Variants in ZDHHC13 observed in about 807,000 individuals in gnomAD.
The protein encoded by ZDHHC13 is zDHHC palmitoyltransferase 13.
Under a neutral mutation model 86.0 loss-of-function variants are expected in ZDHHC13, and 85 were observed. The ratio of observed to expected loss-of-function variants is 0.99; its 90% CI spans 0.83 to 1.18. ZDHHC13 has a LOEUF of 1.18. Among genes scored for constraint, ZDHHC13 ranks in the 50% most tolerant of loss-of-function variants. ZDHHC13 has a pLI of 0.00. For synonymous variants in ZDHHC13, 263 were observed against 246.4 expected, an observed-to-expected ratio of 1.07 and a Z score of -0.63; for missense variants, 711 against 730.2, an observed-to-expected ratio of 0.97 and a Z score of 0.30.
chr11:19,170,063 A>G (rs1850177259), intron 14 of ZDHHC13: 7 of 1,065,616 alleles, frequency 6.6e-6, no homozygotes, highest in Non-Finnish European at 6.8e-6. Flanking sequence ...CATAGTTGCT[A>G]TAAACATGAA....
chr11:19,156,083 C>A (rs1849750287), intron 9 of ZDHHC13, among the ~76,000 whole-genome samples, 154 bp downstream of exon 9: 1 of 152,136 alleles, frequency 6.6e-6, no homozygotes, highest in Admixed American at 6.5e-5. Flanking sequence ...GGAAAGGGCT[C>A]TGGTAGCATA....
At chr11:19,164,520 A>G (rs1326775654) in intron 12 of ZDHHC13, 157 bp downstream of exon 12, 1 of 667,830 alleles carries the variant, frequency 1.5e-6, no homozygotes, top group East Asian at 2.7e-5. Flanking sequence ...TCTGTCTTGA[A>G]CATATGGCAG....
intron 16 of ZDHHC13, among the ~76,000 whole-genome samples, 156 bp downstream of exon 16, chr11:19,172,976 G>T (rs774150181): frequency 2.6e-5 from 4 of 152,188 alleles, no homozygotes; most frequent in Non-Finnish European, 4.4e-5. Context: ...TAGTGATGGG[G>T]TGAGTGGTAA....
rs767674358 is a variant in ZDHHC13, at chr11:19,172,793, C to T, written c.1703C>T (p.Thr568Met). The change falls in exon 16 of 17, where the codon ACG becomes ATG. Residue 568 changes from threonine to methionine, a missense_variant. Transcript: ENST00000446113. ...LQKQSKHMKQ[T>M]LSLRKTPYNL... ...AAGCAGAGCAAGCATATGAAACAGA[C>T]GTTGTCCCTCAGGAAGACACCATAC... 1.0e-5 allele frequency: 16 copies of T among 1,605,162 alleles called. No individual in the cohort carries two copies. The highest frequency in any genetic ancestry group is 5.4e-5 in the African/African-American group (4 of 74,748).
At position 19,155,868 on chromosome 11, in the gene ZDHHC13, T is replaced by G; in HGVS notation, c.946T>G (p.Ser316Ala). Residue 316 changes from serine (S) to alanine (A), a missense_variant, in exon 9 of 17, where the codon TCT (serine) becomes GCT (alanine). Ser to Ala is a moderately conservative substitution (Grantham distance 99). Transcript: ENST00000446113. The part of the protein sequence containing the change: ...IGYILDFNSD[S>A]WLLKGCLLVT... ...ATACATATTGGACTTCAATTCAGATTCTTGGCTTTTAAAAGGATGTCTTCT... is the reference window on the plus strand; with the variant it reads ...ATACATATTGGACTTCAATTCAGATGCTTGGCTTTTAAAAGGATGTCTTCT... 6.2e-7 allele frequency: 1 copy of G among 1,613,002 alleles called. No individual in the cohort carries two copies. The highest frequency in any genetic ancestry group is 8.5e-7 in the Non-Finnish European group (1 of 1,179,718).
At chr11:19,119,234 C>A (rs1848709388) in intron 1 of ZDHHC13, among the ~76,000 whole-genome samples, 2 of 152,112 alleles carry the variant, frequency 1.3e-5, no homozygotes, top group African/African-American at 4.8e-5. Context: ...CCTCAGCCTG[C>A]CGAGTAGCTG....
Position 19,146,211 on chromosome 11 carries a change from G to A in ZDHHC13, c.204G>A (p.Leu68=). The A allele has an allele frequency of 1.2e-6, 2 of 1,607,928 alleles. No homozygotes were observed. The highest frequency in any genetic ancestry group is 1.7e-6 in the Non-Finnish European group (2 of 1,176,880). Residue 68 remains leucine, a synonymous_variant, in exon 3 of 17, where the codon TTG becomes TTA. Transcript: ENST00000446113. ...QYGIFERCKE[L]VEAGYDVRQP... ...GAATTTTTGAACGATGTAAAGAGTT[G>A]GTAGAAGCAGGATATGATGTCAGGC...
intron 1 of ZDHHC13, among the ~76,000 whole-genome samples, chr11:19,138,613 AAG>A (rs1195294393): frequency 6.6e-6 from 1 of 151,608 alleles, no homozygotes; most frequent in Admixed American, 6.6e-5. Context: ...ACAACCAAAA[AAG>A]AGAATTTTAG....
At chr11:19,167,433 C>T (rs931949648) in intron 14 of ZDHHC13, 1 of 152,162 alleles carries the variant, frequency 6.6e-6, no homozygotes, top group South Asian at 2.1e-4. Flanking sequence ...TTTCGAAAGG[C>T]AATTCTTTGT....
At chr11:19,161,199 C>T (rs1435950197) in intron 10 of ZDHHC13, among the ~76,000 whole-genome samples, 1 of 152,000 alleles carries the variant, frequency 6.6e-6, no homozygotes, top group African/African-American at 2.4e-5. Flanking sequence ...TCCGCAGATA[C>T]TGGCCTATTA....
At chr11:19,141,884 T>C (rs1849330364) in intron 1 of ZDHHC13, among the ~76,000 whole-genome samples, 2 of 152,198 alleles carry the variant, frequency 1.3e-5, no homozygotes. Flanking sequence ...GGGACTATCT[T>C]GGCAGTCATT....
chr11:19,149,110 C>T (rs1849543119), intron 4 of ZDHHC13, 77 bp from the exon 5 acceptor site: 1 of 1,272,920 alleles, frequency 7.9e-7, no homozygotes, highest in Non-Finnish European at 1.0e-6. Context: ...TCCCTCATGT[C>T]TTAGGAATAT....
chr11:19,170,464 C>A lies in ZDHHC13; in HGVS notation c.1528C>A (p.Leu510Ile). 6.5e-7 allele frequency: 1 copy of A among 1,531,944 alleles called. No individual in the cohort carries two copies. Among genetic ancestry groups the A allele is most frequent in the East Asian group, 2.5e-5 (1 of 39,620 alleles). 94.9% of individuals were successfully genotyped at this position (1,531,944 alleles called of 1,614,324 possible). The change falls in exon 15 of 17, where the codon CTC (leucine) becomes ATC (isoleucine). Residue 510 changes from leucine (L) to isoleucine (I), a missense_variant. Coordinates refer to ENST00000446113, the MANE Select transcript of ZDHHC13 (RefSeq NM_019028.3). ...TFKEDGLWTY[L>I]NQIVACSPWV... ...CAAAGAAGATGGATTATGGACTTAC[C>A]TCAATCAGATTGTGGCCTGTTCCCC... is the stretch of plus-strand genomic sequence containing the variant.
chr11:19,155,440 G>C (rs531642765), intron 8 of ZDHHC13, among the ~76,000 whole-genome samples: 2 of 151,982 alleles, frequency 1.3e-5, no homozygotes, highest in African/African-American at 2.4e-5. Context: ...AATTAGCCAG[G>C]CATGGTGGTG....
At position 19,152,295 on chromosome 11, in the gene ZDHHC13, C is replaced by G. The variant is rs746250269; in HGVS notation, c.722C>G (p.Ser241Cys). Residue 241 changes from serine (S) to cysteine (C), a missense_variant, in exon 7 of 17, where the codon TCT becomes TGT. Coordinates refer to ENST00000446113, the MANE Select transcript of ZDHHC13 (RefSeq NM_019028.3). ...NAVDKLLEAG[S>C]SLDIQNVKGE... is the part of the protein sequence containing the mutation. Reference sequence around the variant, plus strand: ...GTTGATAAGCTTTTGGAAGCTGGTTCTAGCCTGGATATCCAGAATGTTAAG... The same window carrying G: ...GTTGATAAGCTTTTGGAAGCTGGTTGTAGCCTGGATATCCAGAATGTTAAG... The G allele has an allele frequency of 1.9e-6, 3 of 1,613,198 alleles. No homozygotes were observed. The Admixed American group carries it at 5.0e-5, about 27-fold the overall frequency.
chr11:19,137,055 C>T (rs1452812913), intron 1 of ZDHHC13, among the ~76,000 whole-genome samples: 1 of 151,860 alleles, frequency 6.6e-6, no homozygotes, highest in East Asian at 1.9e-4. Context: ...GGATCAAATT[C>T]ACACATAACA....
intron 1 of ZDHHC13, among the ~76,000 whole-genome samples, chr11:19,124,237 A>G (rs1431723807): frequency 6.6e-6 from 1 of 152,204 alleles, no homozygotes; most frequent in Non-Finnish European, 1.5e-5. Flanking sequence ...AAGTTGAAGA[A>G]TAATGTATAT....
chr11:19,173,215 G>A (rs1850272364), intron 16 of ZDHHC13, among the ~76,000 whole-genome samples: 1 of 152,210 alleles, frequency 6.6e-6, no homozygotes. Context: ...TGCTTTGCCA[G>A]GATTTTCAGC....
intron 1 of ZDHHC13, among the ~76,000 whole-genome samples, chr11:19,138,016 G>A (rs1422785313): frequency 2.0e-5 from 3 of 150,458 alleles, no homozygotes; most frequent in East Asian, 3.9e-4. Context: ...AAAAGCAAGA[G>A]CAAACACATT....
Sources: allele counts gnomAD v4.1 joint callset (sites outside exome capture counted in the v4.1 genomes callset), GRCh38; gene constraint gnomAD v4.1.1; transcripts MANE v1.5; gene names NCBI Gene and HGNC (gene_info 2026-07-23, HGNC 2026-07-21).